The following NSMCE1 variants were observed in gnomAD, a reference collection of about 807,000 sequenced individuals.
NSMCE1 encodes the protein non-structural maintenance of chromosomes element 1 homolog.
In NSMCE1, 18 loss-of-function variants were observed where a neutral mutation model predicts 29.6. That is an observed-to-expected ratio of 0.61 (90% CI 0.42 to 0.90). NSMCE1 has a LOEUF of 0.90. Among genes scored for constraint, NSMCE1 ranks in the 40% least tolerant of loss-of-function variants. The pLI is 0.00. For synonymous variants in NSMCE1, 124 were observed against 133.4 expected, an observed-to-expected ratio of 0.93 and a Z score of 0.49; for missense variants, 314 against 343.6, an observed-to-expected ratio of 0.91 and a Z score of 0.68.
chr16:27,244,396 T>A (rs2083929755), intron 2 of NSMCE1, among the ~76,000 whole-genome samples: 1 of 152,276 alleles, frequency 6.6e-6, no homozygotes, highest in East Asian at 1.9e-4. Flanking sequence ...TCTCCCGGTG[T>A]CCCCTCTAGC....
intron 6 of NSMCE1, 175 bp downstream of exon 6, chr16:27,226,545 C>T: frequency 1.7e-6 from 1 of 573,588 alleles, no homozygotes; most frequent in East Asian, 2.9e-5. Context: ...CTGCGGGGCA[C>T]AGCAGGGAGG....
intron 2 of NSMCE1, among the ~76,000 whole-genome samples, chr16:27,249,320 G>T (rs929835497): frequency 6.6e-6 from 1 of 152,084 alleles, no homozygotes; most frequent in African/African-American, 2.4e-5. Flanking sequence ...CTCTTATGGA[G>T]CATGCTTTTG....
chr16:27,259,041 G>A (rs556500266), intron 1 of NSMCE1, among the ~76,000 whole-genome samples: 2 of 152,124 alleles, frequency 1.3e-5, no homozygotes, highest in Non-Finnish European at 2.9e-5. Flanking sequence ...GAGCCACCAC[G>A]CCCAGCCAGT....
At chr16:27,251,048 T>C (rs2084022412) in intron 2 of NSMCE1, among the ~76,000 whole-genome samples, 1 of 147,840 alleles carries the variant, frequency 6.8e-6, no homozygotes, top group Admixed American at 6.7e-5. Context: ...TCCATGTTGG[T>C]CAGGCTAGTC....
Position 27,253,621 on chromosome 16 carries a change from C to T in NSMCE1, c.136+3814G>A, listed in dbSNP as rs149088327. Among the ~76,000 whole-genome samples, 1,213 of 152,254 alleles carry T rather than the reference C, an allele frequency of 8.0e-3. 60 individuals carry two copies. The highest frequency in any genetic ancestry group is 0.074 in the Admixed American group (1,138 of 15,288). Reference sequence around the variant, plus strand: ...CCACCACCCCCGAGGCCTCCTGTGCCGACTTCTATCAAGGAGGCCTATATT... The same window carrying T: ...CCACCACCCCCGAGGCCTCCTGTGCTGACTTCTATCAAGGAGGCCTATATT... On this transcript the variant is annotated intron_variant, in intron 2 of 7. Transcript: ENST00000361439.
intron 5 of NSMCE1, among the ~76,000 whole-genome samples, chr16:27,230,432 G>C (rs771868206): frequency 2.4e-4 from 37 of 152,104 alleles, no homozygotes; most frequent in Non-Finnish European, 4.3e-4. Context: ...CACCCGCCCC[G>C]GTTCTCAGTG....
At chr16:27,233,207 G>A in intron 4 of NSMCE1, 60 bp from the exon 5 acceptor site, 2 of 1,509,894 alleles carry the variant, frequency 1.3e-6, no homozygotes, top group Non-Finnish European at 1.8e-6. Flanking sequence ...ACTTTTAAAT[G>A]GTAATACCAA....
At chr16:27,268,583 G>A (rs1475774530) in intron 1 of NSMCE1, 123 bp downstream of exon 1, 14 of 152,256 alleles carry the variant, frequency 9.2e-5, no homozygotes, top group Non-Finnish European at 1.5e-5. Flanking sequence ...CACAGCCCAC[G>A]GGGACCGACC....
chr16:27,226,662 C>T, intron 6 of NSMCE1, 58 bp downstream of exon 6: 1 of 1,131,976 alleles, frequency 8.8e-7, no homozygotes. Flanking sequence ...AGTACCTGTA[C>T]AGAGCCCCGG....
chr16:27,235,148 T>G, intron 3 of NSMCE1, 30 bp downstream of exon 3: 1 of 1,603,256 alleles, frequency 6.2e-7, no homozygotes, highest in African/African-American at 1.3e-5. Flanking sequence ...TCCTCAAAAA[T>G]GCCACTAGAG....
At chr16:27,238,523 C>T (rs900474318) in intron 2 of NSMCE1, among the ~76,000 whole-genome samples, 1 of 146,560 alleles carries the variant, frequency 6.8e-6, no homozygotes, top group Admixed American at 6.8e-5. Flanking sequence ...CCCTCCCTAA[C>T]GAGACCTTCG....
At chr16:27,247,505 A>C (rs989186861) in intron 2 of NSMCE1, among the ~76,000 whole-genome samples, 2 of 152,182 alleles carry the variant, frequency 1.3e-5, no homozygotes, top group African/African-American at 4.8e-5. Context: ...ACACTCACCA[A>C]GTTTCCTTGT....
intron 1 of NSMCE1, among the ~76,000 whole-genome samples, chr16:27,265,192 G>C (rs2084209651): frequency 1.1e-5 from 1 of 92,018 alleles, no homozygotes; most frequent in Non-Finnish European, 2.3e-5. Context: ...TTTTGAGACA[G>C]GGTCTCACTC....
chr16:27,251,674 G>T (rs1312490801), intron 2 of NSMCE1, among the ~76,000 whole-genome samples: 1 of 152,186 alleles, frequency 6.6e-6, no homozygotes, highest in Non-Finnish European at 1.5e-5. Context: ...AGAAGAGTTT[G>T]GGTAGAAATG....
intron 1 of NSMCE1, among the ~76,000 whole-genome samples, chr16:27,264,903 T>C (rs1250860302): frequency 6.6e-6 from 1 of 152,154 alleles, no homozygotes; most frequent in Non-Finnish European, 1.5e-5. Context: ...ATATTCAGAC[T>C]ATATAAGGAA....
In NSMCE1 at chr16:27,226,810, G is replaced by A. The variant is rs1037844435; in HGVS notation, c.510C>T (p.Gly170=). The A allele has an allele frequency of 6.2e-7, 1 of 1,613,654 alleles. No individual in the cohort carries two copies. The highest frequency in any genetic ancestry group is 8.5e-7 in the Non-Finnish European group (1 of 1,179,558). Reference sequence around the variant, plus strand: ...ATTGCTCCATCTCCAGGATGGCCCGGCCGTGCAGGGTGAACTCCCCTTCCT... The same window carrying A: ...ATTGCTCCATCTCCAGGATGGCCCGACCGTGCAGGGTGAACTCCCCTTCCT... ...IEKEGEFTLH[G]RAILEMEQYI... Residue 170 remains glycine (G), a synonymous_variant, in exon 6 of 8, where the codon GGC becomes GGT. Transcript: ENST00000361439.
intron 1 of NSMCE1, among the ~76,000 whole-genome samples, chr16:27,267,331 G>A: frequency 6.6e-6 from 1 of 152,152 alleles, no homozygotes; most frequent in Admixed American, 6.5e-5. Context: ...CAATTCTAGT[G>A]CTTCACATGC....
intron 1 of NSMCE1, among the ~76,000 whole-genome samples, chr16:27,262,737 A>T (rs2084173917): frequency 6.6e-6 from 1 of 152,230 alleles, no homozygotes; most frequent in South Asian, 2.1e-4. Context: ...GCAGAAATTG[A>T]CAAATGAGAT....
chr16:27,243,076 C>T (rs758414135), intron 2 of NSMCE1, among the ~76,000 whole-genome samples: 7 of 152,224 alleles, frequency 4.6e-5, no homozygotes, highest in Non-Finnish European at 4.4e-5. Flanking sequence ...GCTGGCGGCA[C>T]GCATTCTACC....
Sources: allele counts gnomAD v4.1 joint callset (sites outside exome capture counted in the v4.1 genomes callset), GRCh38; gene constraint gnomAD v4.1.1; transcripts MANE v1.5; gene names NCBI Gene and HGNC (gene_info 2026-07-23, HGNC 2026-07-21).